The following GRID1 variants were observed in gnomAD, a reference collection of about 807,000 sequenced individuals.
GRID1 encodes glutamate receptor ionotropic, delta-1.
A neutral mutation model predicts 98.0 loss-of-function variants in GRID1; 28 were observed. The observed-to-expected ratio is 0.29, with a 90% CI of 0.21 to 0.39. The LOEUF is 0.39. Ranked by LOEUF, GRID1 falls within the 10% of genes least tolerant of loss-of-function variation. The pLI, the probability that GRID1 is intolerant of heterozygous loss-of-function variation, is 1.00. For missense variants in GRID1, 1,111 were observed against 1,340.5 expected (o/e 0.83, Z 2.67); for synonymous variants, 553 against 538.5 (o/e 1.03, Z -0.37).
chr10:86,009,029 A>G (rs1350249366), intron 4 of GRID1, among the ~76,000 whole-genome samples: 2 of 152,208 alleles, frequency 1.3e-5, no homozygotes, highest in Non-Finnish European at 2.9e-5. Flanking sequence ...CTATTGTAAT[A>G]TTATATAGCA....
Position 85,856,150 on chromosome 10 carries a change from G to A in GRID1, c.992C>T (p.Ala331Val), listed in dbSNP as rs1383020540. ...CTCCAGCTTCCTGTGAAAGGCGTTG[G>A]CCAGCATCAGAACACTGTCATACAG... ...LYLYDSVLML[A>V]NAFHRKLEDR... Residue 331 changes from alanine (A) to valine (V), a missense_variant, in exon 7 of 16, where the codon GCC (alanine) becomes GTC (valine). Ala to Val is a moderately conservative substitution (Grantham distance 64, BLOSUM62 0). Transcript: ENST00000327946. The A allele has an allele frequency of 6.2e-7, 1 of 1,614,128 alleles. No homozygotes were observed. Among genetic ancestry groups the A allele is most frequent in the Admixed American group, 1.7e-5 (1 of 60,028 alleles).
Position 86,138,823 on chromosome 10 carries a change from T to C in GRID1, c.722A>G (p.Asn241Ser), listed in dbSNP as rs780416697. The C allele has an allele frequency of 1.2e-6, 2 of 1,613,570 alleles. No individual in the cohort carries two copies. The highest frequency in any genetic ancestry group is 2.2e-5 in the East Asian group (1 of 44,892). ...LSPQGAHSFINEAVETNLASK... is the reference protein window; with the variant it reads ...LSPQGAHSFISEAVETNLASK... Reference sequence around the variant, plus strand: ...CCTCAGGCCCCCATGACCTACCTCGTTGATGAAGGAGTGGGCTCCCTGTGG... The same window carrying C: ...CCTCAGGCCCCCATGACCTACCTCGCTGATGAAGGAGTGGGCTCCCTGTGG... The change falls in exon 4 of 16, where the codon AAC becomes AGC. Residue 241 changes from asparagine to serine, a missense_variant. Asn to Ser is a conservative substitution (Grantham distance 46). Coordinates refer to ENST00000327946, the MANE Select transcript of GRID1 (RefSeq NM_017551.3).
At chr10:85,757,096 C>T (rs1222952618) in intron 8 of GRID1, among the ~76,000 whole-genome samples, 1 of 152,146 alleles carries the variant, frequency 6.6e-6, no homozygotes, top group Non-Finnish European at 1.5e-5. Context: ...GGTAAGCAAA[C>T]CAAGCCAACA....
At chr10:85,798,851 G>T (rs190333271) in intron 8 of GRID1, among the ~76,000 whole-genome samples, 30 of 151,996 alleles carry the variant, frequency 2.0e-4, no homozygotes, top group African/African-American at 7.2e-4. Context: ...CAGCTTTTTA[G>T]TTTGATTTAA....
intron 2 of GRID1, among the ~76,000 whole-genome samples, chr10:86,213,280 C>T (rs1589413205): frequency 6.6e-6 from 1 of 152,156 alleles, no homozygotes; most frequent in African/African-American, 2.4e-5. Flanking sequence ...ACAGAGAGTA[C>T]CACGCACCTG....
intron 8 of GRID1, among the ~76,000 whole-genome samples, chr10:85,840,805 A>C (rs1842954396): frequency 6.6e-6 from 1 of 152,220 alleles, no homozygotes; most frequent in East Asian, 1.9e-4. Context: ...CTCTACAAAG[A>C]GAACTACAAA....
At chr10:85,722,060 A>G (rs918273363) in intron 12 of GRID1, among the ~76,000 whole-genome samples, 1 of 152,232 alleles carries the variant, frequency 6.6e-6, no homozygotes, top group African/African-American at 2.4e-5. Context: ...ATGTCAATTT[A>G]ATAAAGATAT....
chr10:86,063,737 C>T (rs1348182293), intron 4 of GRID1, among the ~76,000 whole-genome samples: 1 of 152,168 alleles, frequency 6.6e-6, no homozygotes, highest in African/African-American at 2.4e-5. Context: ...AGTAGGAATA[C>T]TTCCATATTT....
chr10:85,862,672 G>T (rs1300321616), intron 6 of GRID1, among the ~76,000 whole-genome samples: 1 of 152,204 alleles, frequency 6.6e-6, no homozygotes, highest in Non-Finnish European at 1.5e-5. Flanking sequence ...ACTCTCGGCT[G>T]CTGGATAATT....
chr10:86,085,812 C>G (rs911701870), intron 4 of GRID1, among the ~76,000 whole-genome samples: 20 of 152,126 alleles, frequency 1.3e-4, no homozygotes, highest in African/African-American at 4.6e-4. Context: ...AAACCAGGAA[C>G]AGGCTGGGGA....
chr10:86,102,618 A>G (rs1426440132), intron 4 of GRID1, among the ~76,000 whole-genome samples: 2 of 152,236 alleles, frequency 1.3e-5, no homozygotes, highest in Admixed American at 6.5e-5. Flanking sequence ...CCTGATCCCC[A>G]CAACATAAAT....
chr10:86,209,041 G>A (rs188994733), intron 2 of GRID1, among the ~76,000 whole-genome samples: 34 of 152,310 alleles, frequency 2.2e-4, no homozygotes, highest in African/African-American at 7.7e-4. Context: ...ATGGGAAAGT[G>A]CCTGTCATAA....
At chr10:86,150,917 CTG>C (rs1420942469) in intron 3 of GRID1, among the ~76,000 whole-genome samples, 9 of 152,194 alleles carry the variant, frequency 5.9e-5, no homozygotes, top group Non-Finnish European at 1.3e-4. Flanking sequence ...AGCCTCCAGA[CTG>C]TGAAAATTAA....
intron 2 of GRID1, among the ~76,000 whole-genome samples, chr10:86,274,237 A>C (rs1847231554): frequency 6.6e-6 from 1 of 152,118 alleles, no homozygotes; most frequent in Admixed American, 6.5e-5. Context: ...ATGCGGCATT[A>C]TTTCTGAGGG....
chr10:85,694,859 A>G (rs75847543), intron 12 of GRID1, among the ~76,000 whole-genome samples: 4,926 of 151,878 alleles, frequency 0.032, 125 homozygotes, highest in Middle Eastern at 0.048. Flanking sequence ...TAATGGGTAC[A>G]ATGTACATTA....
intron 5 of GRID1, among the ~76,000 whole-genome samples, chr10:85,875,410 C>T (rs559788979): frequency 1.3e-5 from 2 of 152,098 alleles, no homozygotes; most frequent in East Asian, 1.9e-4. Context: ...GTTGGAATGC[C>T]TGTAAACCTA....
At chr10:86,076,468 C>T (rs1197030417) in intron 4 of GRID1, among the ~76,000 whole-genome samples, 1 of 152,144 alleles carries the variant, frequency 6.6e-6, no homozygotes, top group African/African-American at 2.4e-5. Context: ...TCAGGCTTCT[C>T]CAGAGAAACA....
At chr10:85,855,684 C>T (rs1590267036) in intron 7 of GRID1, among the ~76,000 whole-genome samples, 1 of 152,302 alleles carries the variant, frequency 6.6e-6, no homozygotes, top group African/African-American at 2.4e-5. Flanking sequence ...CAGGTGCACT[C>T]GTTTCTTGGG....
At chr10:85,927,107 C>A (rs752649868) in intron 4 of GRID1, among the ~76,000 whole-genome samples, 2 of 152,202 alleles carry the variant, frequency 1.3e-5, no homozygotes, top group Non-Finnish European at 2.9e-5. Flanking sequence ...ACTCTTCCTG[C>A]CTTGCAAGTT....
Sources: allele counts gnomAD v4.1 joint callset (sites outside exome capture counted in the v4.1 genomes callset), GRCh38; gene constraint gnomAD v4.1.1; transcripts MANE v1.5; gene names NCBI Gene and HGNC (gene_info 2026-07-23, HGNC 2026-07-21).